BCKDHA: variants seen among roughly 807,000 people sequenced by gnomAD.
BCKDHA encodes 2-oxoisovalerate dehydrogenase subunit alpha, mitochondrial.
In BCKDHA, 43 loss-of-function variants were observed where a neutral mutation model predicts 52.2. That is an observed-to-expected ratio of 0.82 (90% confidence interval 0.64 to 1.06). The LOEUF (loss-of-function observed/expected upper bound fraction) is 1.06, where lower values mean the gene tolerates loss of function less well. BCKDHA is among the 50% of genes least tolerant of loss of function. BCKDHA has a pLI of 0.00. For synonymous variants in BCKDHA, 234 were observed against 247.9 expected, an observed-to-expected ratio of 0.94 and a Z score of 0.53; for missense variants, 527 against 621.3, an observed-to-expected ratio of 0.85 and a Z score of 1.61.
intron 1 of BCKDHA, among the ~76,000 whole-genome samples, chr19:41,402,943 G>T (rs1025333500): frequency 6.6e-6 from 1 of 152,128 alleles, no homozygotes. Context: ...GTGTGGCCGG[G>T]CAGGTGATTT....
intron 1 of BCKDHA, 71 bp downstream of exon 1, chr19:41,398,006 G>C: frequency 7.7e-7 from 1 of 1,301,666 alleles, no homozygotes; most frequent in Non-Finnish European, 1.1e-6. Flanking sequence ...CAGAGTGTGG[G>C]GTCCCTGAAG....
At chr19:41,404,961 T>A (rs1405414408) in intron 1 of BCKDHA, among the ~76,000 whole-genome samples, 1 of 152,216 alleles carries the variant, frequency 6.6e-6, no homozygotes, top group Non-Finnish European at 1.5e-5. Context: ...TTTGTTTTTT[T>A]AGGCTAGTCA....
intron 1 of BCKDHA, chr19:41,399,410 A>G (rs1400717153): frequency 6.8e-6 from 1 of 146,906 alleles, no homozygotes. Flanking sequence ...TGGCTGGGCA[A>G]GTGGGGCAGG....
At chr19:41,424,333 A>C in intron 8 of BCKDHA, 105 bp from the exon 9 acceptor site, 1 of 1,261,536 alleles carries the variant, frequency 7.9e-7, no homozygotes, top group Non-Finnish European at 1.1e-6. Context: ...CGAGGTGGGA[A>C]CACAAAGGCT....
chr19:41,405,949 C>A (rs568549285), intron 1 of BCKDHA, among the ~76,000 whole-genome samples: 1 of 152,140 alleles, frequency 6.6e-6, no homozygotes, highest in Non-Finnish European at 1.5e-5. Context: ...CACTGGCCAC[C>A]GGGACAGACT....
At chr19:41,404,745 C>T (rs1448715209) in intron 1 of BCKDHA, among the ~76,000 whole-genome samples, 2 of 152,100 alleles carry the variant, frequency 1.3e-5, no homozygotes, top group Non-Finnish European at 2.9e-5. Context: ...AGGTGCGTGC[C>T]ACCACGCCTG....
At position 41,414,017 on chromosome 19, in the gene BCKDHA, T is replaced by C. The variant is rs199919277; in HGVS notation, c.376-32T>C. On this transcript the variant is annotated intron_variant, in intron 3 of 8. Transcript: ENST00000269980. ...CTCTGTCATTGCCCAGCATAACCAA[T>C]TGTGGGACCCCGGTCCCCTCTACAC... 2.7e-4 allele frequency: 431 copies of C among 1,574,736 alleles called. 2 individuals are homozygous for C. The African/African-American group carries it at 4.7e-3, about 17-fold the overall frequency.
intron 5 of BCKDHA, among the ~76,000 whole-genome samples, 194 bp downstream of exon 5, chr19:41,419,490 A>G (rs995125948): frequency 1.3e-5 from 2 of 152,234 alleles, no homozygotes; most frequent in East Asian, 1.9e-4. Flanking sequence ...TGCCCAGGCT[A>G]GAGTGCAGTG....
At chr19:41,400,606 A>G (rs2039128528) in intron 1 of BCKDHA, among the ~76,000 whole-genome samples, 1 of 148,092 alleles carries the variant, frequency 6.8e-6, no homozygotes, top group Non-Finnish European at 1.5e-5. Flanking sequence ...CTGGTCTTGA[A>G]CTCCTGGACT....
At chr19:41,406,385 C>G (rs1216578086) in intron 1 of BCKDHA, among the ~76,000 whole-genome samples, 4 of 152,070 alleles carry the variant, frequency 2.6e-5, no homozygotes, top group African/African-American at 9.7e-5. Context: ...GGAGTATCTG[C>G]TGGGGCCACA....
chr19:41,409,798 ATTTTT>A (rs10565264), intron 1 of BCKDHA, among the ~76,000 whole-genome samples: 2 of 109,152 alleles, frequency 1.8e-5, no homozygotes, highest in Non-Finnish European at 3.7e-5. Flanking sequence ...CCTCTAAGGG[ATTTTT>A]TTTTTTTTTT....
chr19:41,409,099 G>A (rs1257274377), intron 1 of BCKDHA, among the ~76,000 whole-genome samples: 7 of 152,164 alleles, frequency 4.6e-5, no homozygotes, highest in South Asian at 2.1e-4. Flanking sequence ...ACAGGTGTGC[G>A]CAACCACGCC....
chr19:41,410,829 C>T lies in BCKDHA; in HGVS notation c.288+13C>T, dbSNP rs1384661585. The T allele has an allele frequency of 6.2e-7, 1 of 1,614,012 alleles. No individual in the cohort carries two copies. The highest frequency in any genetic ancestry group is 8.5e-7 in the Non-Finnish European group (1 of 1,180,008). ...CGAGGACCCCCACGTGAGAGGCGGC[C>T]TCCCCCACTTCCCGTGCCCCCCACG... On this transcript the variant is annotated intron_variant, in intron 2 of 8. Coordinates refer to ENST00000269980, the MANE Select transcript of BCKDHA (RefSeq NM_000709.4).
intron 1 of BCKDHA, chr19:41,400,286 C>G (rs2039123961): frequency 6.6e-6 from 1 of 150,596 alleles, no homozygotes; most frequent in Non-Finnish European, 1.5e-5. Flanking sequence ...GTCACCCAAG[C>G]TGGAGTGCAG....
Position 41,397,850 on chromosome 19 carries a change from C to T in BCKDHA, c.23C>T (p.Ala8Val). ...AAGATGGCGGTAGCGATCGCTGCAG[C>T]GAGGGTCTGGCGGCTAAACCGTGGT... MAVAIAAARVWRLNRGLS... is the reference protein window; with the variant it reads MAVAIAAVRVWRLNRGLS... The change falls in exon 1 of 9, where the codon GCG becomes GTG. Residue 8 changes from alanine to valine, a missense_variant. Transcript: ENST00000269980. The T allele has an allele frequency of 1.2e-6, 2 of 1,614,160 alleles. No homozygotes were observed. Among genetic ancestry groups the T allele is most frequent in the East Asian group, 2.2e-5 (1 of 44,882 alleles).
rs146804716 is a variant in BCKDHA at position 41,414,096 on chromosome 19, C to T, written c.423C>T (p.His141=). Residue 141 remains histidine, a synonymous_variant, in exon 4 of 9, where the codon CAC becomes CAT. Coordinates refer to ENST00000269980, the MANE Select transcript of BCKDHA (RefSeq NM_000709.4). ...YMTNYGEEGT[H]VGSAAALDNT... ...CCAACTATGGTGAGGAGGGCACGCA[C>T]GTGGGGAGTGCCGCCGCCCTGGACA... The T allele has an allele frequency of 2.5e-5, 41 of 1,613,746 alleles. No individual in the cohort carries two copies. Among genetic ancestry groups the T allele is most frequent in the Middle Eastern group, 1.6e-4 (1 of 6,062 alleles).
At chr19:41,416,063 A>C (rs4803467) in intron 4 of BCKDHA, among the ~76,000 whole-genome samples, 99,579 of 148,812 alleles carry the variant, frequency 0.67, 33,879 homozygotes, top group African/African-American at 0.83. Flanking sequence ...CCTGCCTCAG[A>C]CTCCGGAGTA....
At chr19:41,404,255 T>C (rs1026953864) in intron 1 of BCKDHA, among the ~76,000 whole-genome samples, 14 of 151,980 alleles carry the variant, frequency 9.2e-5, no homozygotes, top group Non-Finnish European at 1.9e-4. Context: ...ATTGAGATTA[T>C]AAGCATAAGC....
intron 4 of BCKDHA, among the ~76,000 whole-genome samples, chr19:41,416,948 TCAAG>T (rs1237867957): frequency 6.6e-6 from 1 of 152,066 alleles, no homozygotes; most frequent in African/African-American, 2.4e-5. Flanking sequence ...GTAGCATGTG[TCAAG>T]CAAGAGCAGC....
Sources: gnomAD v4.1 joint callset for allele counts (sites outside exome capture counted in the v4.1 genomes callset) on GRCh38, gnomAD v4.1.1 for gene constraint, MANE v1.5 for transcripts, NCBI Gene and HGNC (gene_info 2026-07-23, HGNC 2026-07-21) for gene names.